Variants in PPP6R3 observed in about 807,000 individuals in gnomAD.
PPP6R3 encodes the protein protein phosphatase 6 regulatory subunit 3, also known as serine/threonine-protein phosphatase 6 regulatory subunit 3.
PPP6R3 carries 38 observed loss-of-function variants against 110.7 expected under a neutral mutation model. The ratio of observed to expected loss-of-function variants is 0.34; its 90% CI spans 0.26 to 0.45. The LOEUF (loss-of-function observed/expected upper bound fraction) is 0.45. Among genes scored for constraint, PPP6R3 ranks in the 20% least tolerant of loss-of-function variants. The probability of loss-of-function intolerance (pLI) is 1.00; values close to 1 mark genes in which losing one functional copy is unlikely to be tolerated. For synonymous variants in PPP6R3, 369 were observed against 373.5 expected (o/e 0.99, Z 0.14); for missense variants, 870 against 1,062.4 (o/e 0.82, Z 2.52).
At chr11:68,537,957 T>G in intron 3 of PPP6R3, 66 bp downstream of exon 3, 34 of 1,184,178 alleles carry the variant, frequency 2.9e-5, no homozygotes, top group Non-Finnish European at 3.9e-5. Flanking sequence ...TATACAGCTC[T>G]TGTTCAAGGA....
chr11:68,532,453 T>TA (rs1456747999), intron 2 of PPP6R3, among the ~76,000 whole-genome samples: 1 of 152,226 alleles, frequency 6.6e-6, no homozygotes, highest in Non-Finnish European at 1.5e-5. Context: ...TAATCCAACT[T>TA]ACAAAAAACT....
At chr11:68,604,151 A>G (rs945701084) in intron 22 of PPP6R3, among the ~76,000 whole-genome samples, 2 of 152,228 alleles carry the variant, frequency 1.3e-5, no homozygotes, top group Non-Finnish European at 2.9e-5. Flanking sequence ...AAGGAGTGAA[A>G]GAAGAAAACT....
rs569847211 is a variant in PPP6R3, at chr11:68,497,937, G to A, written c.-157-21564G>A. ...GATAAAAGAACCTTGGTTCAGATGA[G>A]ATCATTGTTGTTTATTGTTGGATAT... On this transcript the variant is annotated intron_variant, in intron 1 of 23. Transcript: ENST00000393800. 2.7e-4 allele frequency among the ~76,000 whole-genome samples: 41 copies of A among 152,234 alleles called. No homozygotes were observed. In the South Asian group the frequency reaches 8.1e-3, roughly 30 times the overall value.
Position 68,479,764 on chromosome 11 carries a change from G to T in PPP6R3, c.-158+18937G>T, listed in dbSNP as rs536172268. ...GTTTCTTTCTTTTTTTTTGAGACAG[G>T]TCCTTGCTCTGTCACCCAGGCTGGA... On this transcript the variant is annotated intron_variant, in intron 1 of 23. Coordinates refer to ENST00000393800, the MANE Select transcript of PPP6R3 (RefSeq NM_001164161.2). Among the ~76,000 whole-genome samples the T allele has an allele frequency of 3.3e-5, 5 of 151,188 alleles. No homozygotes were observed. The South Asian group carries it at 8.3e-4, about 25-fold the overall frequency.
chr11:68,549,106 G>T (rs943138641), intron 5 of PPP6R3, among the ~76,000 whole-genome samples: 1 of 152,146 alleles, frequency 6.6e-6, no homozygotes, highest in Non-Finnish European at 1.5e-5. Context: ...GGCCAGGCTG[G>T]TCTCGAACTC....
intron 11 of PPP6R3, 82 bp from the exon 12 acceptor site, chr11:68,570,958 C>G (rs964423582): frequency 2.0e-6 from 3 of 1,485,854 alleles, no homozygotes; most frequent in Non-Finnish European, 2.7e-6. Flanking sequence ...TACTACTATT[C>G]TCTTTAACCT....
intron 2 of PPP6R3, among the ~76,000 whole-genome samples, chr11:68,530,950 C>T (rs2153618243): frequency 6.6e-6 from 1 of 152,188 alleles, no homozygotes. Context: ...GTAGGATCAC[C>T]AGTAGTTTCT....
chr11:68,585,747 G>A (rs973822543), intron 15 of PPP6R3, among the ~76,000 whole-genome samples: 2 of 152,134 alleles, frequency 1.3e-5, no homozygotes, highest in Non-Finnish European at 2.9e-5. Context: ...ATTATTGCAT[G>A]GAAGTTACTA....
intron 14 of PPP6R3, among the ~76,000 whole-genome samples, chr11:68,582,328 A>G (rs2099559333): frequency 6.6e-6 from 1 of 152,248 alleles, no homozygotes; most frequent in Non-Finnish European, 1.5e-5. Context: ...CTGATTTCTA[A>G]TTGTTAATGC....
chr11:68,504,537 T>A (rs996480786), intron 1 of PPP6R3, among the ~76,000 whole-genome samples: 58 of 152,336 alleles, frequency 3.8e-4, no homozygotes, highest in Admixed American at 3.7e-3. Context: ...TCTTTATGGA[T>A]GAATGCACAC....
At chr11:68,527,628 C>CTG (rs2099206861) in intron 2 of PPP6R3, among the ~76,000 whole-genome samples, 1 of 110,968 alleles carries the variant, frequency 9.0e-6, no homozygotes, top group Non-Finnish European at 1.9e-5. Context: ...CAGAATTGTT[C>CTG]TATGTTATTA....
intron 14 of PPP6R3, among the ~76,000 whole-genome samples, chr11:68,582,237 A>G (rs1018340094): frequency 2.0e-5 from 3 of 152,382 alleles, no homozygotes; most frequent in East Asian, 1.9e-4. Flanking sequence ...ACTTCTTTCT[A>G]GAAGTTTACA....
intron 19 of PPP6R3, among the ~76,000 whole-genome samples, chr11:68,596,787 C>T (rs1258569754): frequency 2.0e-5 from 3 of 152,184 alleles, no homozygotes; most frequent in South Asian, 2.1e-4. Context: ...GGGAAACAAA[C>T]GTTCATGTGA....
chr11:68,542,396 T>TTTTG (rs1172677244), intron 3 of PPP6R3, among the ~76,000 whole-genome samples: 1 of 110,692 alleles, frequency 9.0e-6, no homozygotes, highest in African/African-American at 3.6e-5. Context: ...GCTGTTTTTT[T>TTTTG]TTTTTTTTTT....
At chr11:68,591,482 A>T in intron 17 of PPP6R3, 94 bp from the exon 18 acceptor site, 1 of 1,180,064 alleles carries the variant, frequency 8.5e-7, no homozygotes, top group Non-Finnish European at 1.2e-6. Flanking sequence ...ATTGTAAAGC[A>T]GTGAAAAAAT....
chr11:68,550,055 T>C (rs1038507844), intron 5 of PPP6R3, among the ~76,000 whole-genome samples: 1 of 152,190 alleles, frequency 6.6e-6, no homozygotes, highest in Non-Finnish European at 1.5e-5. Context: ...ACATTATTAC[T>C]CAAAGAATGG....
At chr11:68,568,048 C>T (rs1400781282) in intron 10 of PPP6R3, among the ~76,000 whole-genome samples, 2 of 152,018 alleles carry the variant, frequency 1.3e-5, no homozygotes, top group Non-Finnish European at 2.9e-5. Flanking sequence ...ATTTCAAACC[C>T]ATACGTGCTT....
At chr11:68,585,010 C>T (rs1011406485) in intron 15 of PPP6R3, among the ~76,000 whole-genome samples, 3 of 152,212 alleles carry the variant, frequency 2.0e-5, no homozygotes, top group Non-Finnish European at 4.4e-5. Context: ...TAGACTTGAA[C>T]TTCAAGTTCT....
intron 14 of PPP6R3, among the ~76,000 whole-genome samples, chr11:68,580,560 G>T (rs563841684): frequency 1.3e-5 from 2 of 152,110 alleles, no homozygotes; most frequent in East Asian, 3.9e-4. Flanking sequence ...GACATGGTGG[G>T]TGGGCTGGAG....
Sources: gnomAD v4.1 joint callset for allele counts (sites outside exome capture counted in the v4.1 genomes callset) on GRCh38, gnomAD v4.1.1 for gene constraint, MANE v1.5 for transcripts, NCBI Gene and HGNC (gene_info 2026-07-23, HGNC 2026-07-21) for gene names.